LMX1B: variants seen among roughly 807,000 people sequenced by gnomAD.
LMX1B encodes the protein LIM homeobox transcription factor 1 beta.
Under a neutral mutation model 51.4 loss-of-function variants are expected in LMX1B, and 12 were observed. That is an observed-to-expected ratio of 0.23 (90% confidence interval 0.15 to 0.38). LMX1B has a LOEUF of 0.38. Ranked by LOEUF, LMX1B falls within the 10% of genes least tolerant of loss-of-function variation. The probability of loss-of-function intolerance (pLI) is 1.00; values close to 1 mark genes in which losing one functional copy is unlikely to be tolerated. For synonymous variants in LMX1B, 237 were observed against 235.4 expected (o/e 1.01, Z -0.06); for missense variants, 445 against 571.1 (o/e 0.78, Z 2.25).
intron 2 of LMX1B, among the ~76,000 whole-genome samples, chr9:126,652,879 T>G (rs1042661373): frequency 6.6e-6 from 1 of 152,040 alleles, no homozygotes; most frequent in Non-Finnish European, 1.5e-5. Context: ...TGCTGAGGTG[T>G]AGCCCCAGCG....
rs1836468482 is a variant in LMX1B at position 126,671,974 on chromosome 9, T to G, written c.327-18862T>G. On this transcript the variant is annotated intron_variant, in intron 2 of 7. Transcript: ENST00000373474. The surrounding 1 kb of genome is among the most constrained non-coding windows in gnomAD (Gnocchi z 4.4). ...CATCTTCCTTATTAAAAACCAGCCT[T>G]GATGCTCCCGAGCCCCAGCTGTGGC... 6.6e-6 allele frequency among the ~76,000 whole-genome samples: 1 copy of G among 152,232 alleles called. No individual in the cohort carries two copies. The highest frequency in any genetic ancestry group is 6.5e-5 in the Admixed American group (1 of 15,294).
chr9:126,669,294 G>A (rs564836899), intron 2 of LMX1B, among the ~76,000 whole-genome samples: 3 of 152,102 alleles, frequency 2.0e-5, no homozygotes, highest in East Asian at 1.9e-4. Context: ...AACTCCCGGC[G>A]GATGAGGCCT....
At chr9:126,646,332 C>CTA (rs1043006181) in intron 2 of LMX1B, among the ~76,000 whole-genome samples, 8 of 102,116 alleles carry the variant, frequency 7.8e-5, no homozygotes, top group Non-Finnish European at 1.4e-4. Flanking sequence ...ATCCATCTAC[C>CTA]TACCCATCCA....
At chr9:126,639,457 A>T (rs2118878034) in intron 2 of LMX1B, among the ~76,000 whole-genome samples, 1 of 152,210 alleles carries the variant, frequency 6.6e-6, no homozygotes, top group East Asian at 1.9e-4. Flanking sequence ...CCTAAGCTCC[A>T]CTGGGCTCGG....
chr9:126,644,263 TGAG>T (rs1343730227), intron 2 of LMX1B, among the ~76,000 whole-genome samples: 4 of 152,070 alleles, frequency 2.6e-5, no homozygotes, highest in African/African-American at 7.2e-5. Context: ...AAGAATGAGA[TGAG>T]GAGAGAAATC....
intron 2 of LMX1B, among the ~76,000 whole-genome samples, chr9:126,683,556 C>A (rs1836717099): frequency 6.6e-6 from 1 of 152,146 alleles, no homozygotes; most frequent in Non-Finnish European, 1.5e-5. Flanking sequence ...TGTCGCCTAG[C>A]TCCTGTGAAC....
At chr9:126,619,267 G>T in intron 2 of LMX1B, among the ~76,000 whole-genome samples, 1 of 152,196 alleles carries the variant, frequency 6.6e-6, no homozygotes, top group Non-Finnish European at 1.5e-5. Flanking sequence ...AGACCTTCTT[G>T]GGAGGCTCAC....
At chr9:126,624,811 T>C (rs1835488502) in intron 2 of LMX1B, among the ~76,000 whole-genome samples, 1 of 151,878 alleles carries the variant, frequency 6.6e-6, no homozygotes, top group Non-Finnish European at 1.5e-5. Flanking sequence ...CCCGTTTTTC[T>C]CCCGGACTTG....
intron 2 of LMX1B, among the ~76,000 whole-genome samples, chr9:126,668,832 C>T (rs564987544): frequency 2.6e-5 from 4 of 152,362 alleles, no homozygotes; most frequent in African/African-American, 4.8e-5. Flanking sequence ...CCCCACATCC[C>T]CCAGGCCCTC....
intron 2 of LMX1B, among the ~76,000 whole-genome samples, chr9:126,666,874 C>G (rs1836351080): frequency 6.6e-6 from 1 of 152,078 alleles, no homozygotes; most frequent in Non-Finnish European, 1.5e-5. Flanking sequence ...GAGGCCTGGG[C>G]GAAGGGTTCG....
chr9:126,652,296 A>C, intron 2 of LMX1B, among the ~76,000 whole-genome samples: 1 of 120,362 alleles, frequency 8.3e-6, no homozygotes. Flanking sequence ...GAGGAGGAGA[A>C]GGGGGGGGGG....
chr9:126,620,372 C>T (rs1392496945), intron 2 of LMX1B, among the ~76,000 whole-genome samples: 1 of 152,166 alleles, frequency 6.6e-6, no homozygotes, highest in Non-Finnish European at 1.5e-5. Context: ...GAGCTGGGGC[C>T]TCATCAACAA....
intron 2 of LMX1B, among the ~76,000 whole-genome samples, chr9:126,669,293 C>T (rs1037865374): frequency 6.6e-6 from 1 of 151,810 alleles, no homozygotes; most frequent in Non-Finnish European, 1.5e-5. Context: ...GAACTCCCGG[C>T]GGATGAGGCC....
Position 126,664,689 on chromosome 9 carries a change from C to T in LMX1B, c.327-26147C>T, listed in dbSNP as rs1836309819. 2.0e-5 allele frequency among the ~76,000 whole-genome samples: 3 copies of T among 152,218 alleles called. No homozygotes were observed. The South Asian group carries it at 6.2e-4, about 32-fold the overall frequency. On this transcript the variant is annotated intron_variant, in intron 2 of 7. Transcript: ENST00000373474. ...AGGAGTGCAAGACCAGCCTGACCAA[C>T]ATGGTGAAACCCCGTCGATACTAAA...
At chr9:126,659,491 C>T (rs1007435643) in intron 2 of LMX1B, among the ~76,000 whole-genome samples, 1 of 152,260 alleles carries the variant, frequency 6.6e-6, no homozygotes, top group African/African-American at 2.4e-5. Context: ...AGCCTCTCCA[C>T]ACATTCTCAG....
At position 126,691,052 on chromosome 9, in the gene LMX1B, C is replaced by T. The variant is rs375486982; in HGVS notation, c.543C>T (p.Pro181=). Residue 181 remains proline, a synonymous_variant, in exon 3 of 8, where the codon CCC becomes CCT. Transcript: ENST00000373474. ...KEKDLLSSVS[P]DESDSVKSED... is the part of the protein sequence containing the mutation. ...AGGACCTGCTCAGCTCCGTGAGCCCCGACGAGTCCGACTCCGGTGAGGCCT... is the reference window on the plus strand; with the variant it reads ...AGGACCTGCTCAGCTCCGTGAGCCCTGACGAGTCCGACTCCGGTGAGGCCT... 28 of 1,610,650 alleles carry T rather than the reference C, an allele frequency of 1.7e-5. No individual in the cohort carries two copies. The highest frequency in any genetic ancestry group is 5.0e-5 in the Admixed American group (3 of 59,692).
rs1284387877 is a variant in LMX1B at position 126,696,931 on chromosome 9, G to A, written c.*480G>A. The A allele has an allele frequency of 1.5e-5, 3 of 197,170 alleles. No individual in the cohort carries two copies. Among genetic ancestry groups the A allele is most frequent in the Middle Eastern group, 2.1e-3 (1 of 478 alleles). The allele number at this position is 197,170 out of a possible 1,614,324, so 12.2% of individuals were successfully genotyped here. ...GGGGGCAGGCCCACTGCCTGGAACC[G>A]CACACCCCTCAGCCTGAGTCTGGAG... On this transcript the variant is annotated 3_prime_UTR_variant, in exon 8 of 8. Coordinates refer to ENST00000373474, the MANE Select transcript of LMX1B (RefSeq NM_001174147.2).
intron 2 of LMX1B, among the ~76,000 whole-genome samples, chr9:126,659,450 C>T (rs1429576016): frequency 1.3e-5 from 2 of 152,264 alleles, no homozygotes; most frequent in Non-Finnish European, 2.9e-5. Context: ...CCCATCCCTC[C>T]TCATCCCAGC....
chr9:126,631,286 G>T (rs886310671), intron 2 of LMX1B, among the ~76,000 whole-genome samples: 5 of 152,234 alleles, frequency 3.3e-5, no homozygotes, highest in African/African-American at 1.2e-4. Flanking sequence ...TAAAATAACA[G>T]TAATGATAGT....
Sources: gnomAD v4.1 joint callset for allele counts (sites outside exome capture counted in the v4.1 genomes callset) on GRCh38, gnomAD v4.1.1 for gene constraint, Gnocchi (gnomAD v3.1) non-coding constraint, MANE v1.5 for transcripts, NCBI Gene and HGNC (gene_info 2026-07-23, HGNC 2026-07-21) for gene names.